The following NAV2 variants were observed in gnomAD, a reference collection of about 807,000 sequenced individuals.
The protein encoded by NAV2 is helicase, APC down-regulated 1.
NAV2 carries 54 observed loss-of-function variants against 223.2 expected under a neutral mutation model. The ratio of observed to expected loss-of-function variants is 0.24; its 90% confidence interval spans 0.19 to 0.30. The LOEUF (loss-of-function observed/expected upper bound fraction) is 0.30. Ranked by LOEUF, NAV2 falls within the 10% of genes least tolerant of loss-of-function variation. The pLI, the probability that NAV2 is intolerant of heterozygous loss-of-function variation, is 1.00. For missense variants in NAV2, 2,806 were observed against 3,147.5 expected (o/e 0.89, Z 2.60); for synonymous variants, 1,279 against 1,239.3 (o/e 1.03, Z -0.67).
intron 1 of NAV2, among the ~76,000 whole-genome samples, chr11:19,754,797 T>C (rs772900203): frequency 2.6e-5 from 4 of 152,236 alleles, no homozygotes; most frequent in Admixed American, 6.5e-5. Context: ...TCATCTTGTA[T>C]ACTTCACTGC....
chr11:20,115,719 C>T (rs1740630807), intron 37 of NAV2, among the ~76,000 whole-genome samples: 1 of 150,174 alleles, frequency 6.7e-6, no homozygotes, highest in African/African-American at 2.5e-5. Context: ...GCAGTTACAG[C>T]CTGGGCAACG....
At chr11:19,893,409 G>T (rs1337517305) in intron 6 of NAV2, among the ~76,000 whole-genome samples, 1 of 152,138 alleles carries the variant, frequency 6.6e-6, no homozygotes, top group East Asian at 1.9e-4. Context: ...CTACCTGGTG[G>T]TGTAGAAGAT....
chr11:19,776,559 C>A (rs534626503), intron 1 of NAV2, among the ~76,000 whole-genome samples: 2 of 135,230 alleles, frequency 1.5e-5, no homozygotes, highest in East Asian at 4.1e-4. Context: ...GGGAACGCAG[C>A]GTGTGGGCTG....
chr11:19,452,062 A>G (rs7108145), intron 1 of NAV2, among the ~76,000 whole-genome samples: 59,382 of 151,722 alleles, frequency 0.39, 11,920 homozygotes, highest in East Asian at 0.59. Flanking sequence ...TCACGTCATT[A>G]TCCTGTAACT....
chr11:19,615,449 C>T (rs1056714939), intron 1 of NAV2, among the ~76,000 whole-genome samples: 5 of 151,922 alleles, frequency 3.3e-5, no homozygotes, highest in African/African-American at 1.2e-4. Context: ...TAACAGAGTG[C>T]CTCACCACTG....
intron 3 of NAV2, among the ~76,000 whole-genome samples, chr11:19,846,849 G>A (rs1052556162): frequency 6.6e-6 from 1 of 152,162 alleles, no homozygotes; most frequent in African/African-American, 2.4e-5. Flanking sequence ...CCCTTTCCTG[G>A]AGCAAGCCCA....
intron 1 of NAV2, among the ~76,000 whole-genome samples, chr11:19,646,509 A>G (rs2047820224): frequency 6.6e-6 from 1 of 152,096 alleles, no homozygotes; most frequent in African/African-American, 2.4e-5. Flanking sequence ...ATCTGAGCTG[A>G]GGGCGTGTGG....
intron 1 of NAV2, among the ~76,000 whole-genome samples, chr11:19,396,412 C>T (rs1849449892): frequency 2.6e-5 from 4 of 152,164 alleles, no homozygotes; most frequent in Admixed American, 2.0e-4. Flanking sequence ...GTGTGACTAA[C>T]ATACAACCCA....
In NAV2 at chr11:20,068,331, A is replaced by G. The variant is rs2059179356; in HGVS notation, c.4916A>G (p.Lys1639Arg). ...PEEKCQSEIR[K>R]LRRELDASQE... ...CTCCCTTGTCATCTTTAGATTCGCA[A>G]GCTGCGGCGGGAACTGGATGCCTCC... Residue 1639 changes from lysine (K) to arginine (R), a missense_variant, in exon 22 of 38, where the codon AAG (lysine) becomes AGG (arginine). Physicochemically the swap from Lys to Arg is conservative, Grantham distance 26. Around this residue, in one of 4 missense-constraint regions of NAV2, gnomAD observed 824 missense variants for 1,069.4 expected, o/e 0.77. Coordinates refer to ENST00000349880, the MANE Select transcript of NAV2 (RefSeq NM_145117.5). 1.9e-6 allele frequency: 3 copies of G among 1,614,060 alleles called. No individual in the cohort carries two copies. The highest frequency in any genetic ancestry group is 1.7e-5 in the Admixed American group (1 of 60,004).
chr11:19,930,663 G>T (rs1265762786), intron 6 of NAV2, among the ~76,000 whole-genome samples: 1 of 152,140 alleles, frequency 6.6e-6, no homozygotes, highest in Non-Finnish European at 1.5e-5. Context: ...AACAGTATCT[G>T]ACACATATTA....
Position 20,040,121 on chromosome 11 carries a change from T to C in NAV2, c.2908-3860T>C, listed in dbSNP as rs567689875. ...CAGGATGACTGGCAGGCGATGATGTTGATGCAGATAATTATCTCCATGGTC... is the reference window on the plus strand; with the variant it reads ...CAGGATGACTGGCAGGCGATGATGTCGATGCAGATAATTATCTCCATGGTC... On this transcript the variant is annotated intron_variant, in intron 12 of 37. Coordinates refer to ENST00000349880, the MANE Select transcript of NAV2 (RefSeq NM_145117.5). 1.1e-4 allele frequency among the ~76,000 whole-genome samples: 17 copies of C among 152,272 alleles called. No individual in the cohort carries two copies. In the South Asian group the frequency reaches 2.3e-3, roughly 20 times the overall value.
rs143296630 is a variant in NAV2, at chr11:20,080,064, G to A, written c.5180G>A (p.Gly1727Glu). ...TGAAACACCCTGCCTTGGTCTCCAG[G>A]AAACGGCACTGCCCAGTCTGCAGAC... ...VINTPELNCK[G>E]NGTAQSADLR... Residue 1727 changes from glycine (G) to glutamate (E), a missense_variant and splice_region_variant, in exon 25 of 38, where the codon GGA (glycine) becomes GAA (glutamate). Physicochemically the swap from Gly to Glu is moderately conservative, Grantham distance 98 (BLOSUM62 -2). Coordinates refer to ENST00000349880, the MANE Select transcript of NAV2 (RefSeq NM_145117.5). The A allele has an allele frequency of 3.7e-6, 6 of 1,613,432 alleles. No individual in the cohort carries two copies. The highest frequency in any genetic ancestry group is 5.1e-6 in the Non-Finnish European group (6 of 1,179,958).
At chr11:19,508,915 G>A (rs957174276) in intron 1 of NAV2, among the ~76,000 whole-genome samples, 2 of 152,138 alleles carry the variant, frequency 1.3e-5, no homozygotes, top group Non-Finnish European at 2.9e-5. Flanking sequence ...CCTTAATATT[G>A]TGGTCCTACT....
chr11:19,923,187 T>G (rs1046798726), intron 6 of NAV2, among the ~76,000 whole-genome samples: 1 of 152,212 alleles, frequency 6.6e-6, no homozygotes, highest in Non-Finnish European at 1.5e-5. Flanking sequence ...TTTTCTGATT[T>G]AGCTTGTAAA....
At chr11:19,397,422 C>CGA (rs1479068924) in intron 1 of NAV2, among the ~76,000 whole-genome samples, 1 of 41,794 alleles carries the variant, frequency 2.4e-5, no homozygotes, top group African/African-American at 7.6e-5. Context: ...TGTGTGTGCG[C>CGA]GCATGTGTGT....
chr11:19,688,710 G>C (rs1444051834), intron 1 of NAV2, among the ~76,000 whole-genome samples: 1 of 152,192 alleles, frequency 6.6e-6, no homozygotes, highest in African/African-American at 2.4e-5. Flanking sequence ...TTGTGGGCAA[G>C]GCTGAGAGAT....
chr11:19,345,747 C>T (rs552787660), upstream of NAV2, among the ~76,000 whole-genome samples: 2 of 152,266 alleles, frequency 1.3e-5, no homozygotes, highest in East Asian at 1.9e-4. The surrounding 1 kb of genome is among the most constrained non-coding windows in gnomAD (Gnocchi z 5.2). Context: ...CGGCCTCCAG[C>T]GACACTGCGC....
intron 1 of NAV2, among the ~76,000 whole-genome samples, chr11:19,706,888 C>A (rs2049679489): frequency 6.6e-6 from 1 of 152,192 alleles, no homozygotes; most frequent in Non-Finnish European, 1.5e-5. Flanking sequence ...TGGCCTACTA[C>A]ACACTTAGGC....
At chr11:19,376,102 G>A (rs139875127) in intron 1 of NAV2, among the ~76,000 whole-genome samples, 2 of 152,250 alleles carry the variant, frequency 1.3e-5, no homozygotes, top group South Asian at 2.1e-4. Flanking sequence ...CAGATATGTC[G>A]CAGGGAAAAG....
Sources: allele counts gnomAD v4.1 joint callset (sites outside exome capture counted in the v4.1 genomes callset), GRCh38; gene constraint gnomAD v4.1.1; regional missense constraint gnomAD v4.1.1; non-coding constraint Gnocchi (gnomAD v3.1); transcripts MANE v1.5; gene names NCBI Gene and HGNC (gene_info 2026-07-23, HGNC 2026-07-21).